The following ADD2 variants were observed in gnomAD, a reference collection of about 807,000 sequenced individuals.
ADD2 encodes the protein beta-adducin.
A neutral mutation model predicts 83.0 loss-of-function variants in ADD2; 23 were observed. That is an observed-to-expected ratio of 0.28 (90% CI 0.20 to 0.39). ADD2 has a LOEUF of 0.39. Ranked by LOEUF, ADD2 falls within the 10% of genes least tolerant of loss-of-function variation. ADD2 has a pLI of 1.00. For synonymous variants in ADD2, 375 were observed against 375.4 expected (o/e 1.00, Z 0.01); for missense variants, 758 against 944.9 (o/e 0.80, Z 2.59).
chr2:70,761,744 T>G (rs1456680325), intron 1 of ADD2, among the ~76,000 whole-genome samples: 2 of 150,508 alleles, frequency 1.3e-5, no homozygotes, highest in Admixed American at 6.6e-5. Context: ...CAATCTCGGC[T>G]CACTGCAAGC....
chr2:70,722,340 T>G (rs1206225515), intron 1 of ADD2, among the ~76,000 whole-genome samples: 1 of 152,212 alleles, frequency 6.6e-6, no homozygotes, highest in Non-Finnish European at 1.5e-5. Flanking sequence ...ACTATCATTA[T>G]AAGTCATCAT....
Position 70,678,939 on chromosome 2 carries a change from T to C in ADD2, c.1148A>G (p.Tyr383Cys). The C allele has an allele frequency of 5.0e-6, 8 of 1,613,558 alleles. No individual in the cohort carries two copies. Among genetic ancestry groups the C allele is most frequent in the Non-Finnish European group, 6.8e-6 (8 of 1,179,736 alleles). Residue 383 changes from tyrosine to cysteine, a missense_variant, in exon 11 of 16, where the codon TAT (tyrosine) becomes TGT (cysteine). By Grantham distance (194) the Tyr-to-Cys change is radical (BLOSUM62 -2). Coordinates refer to ENST00000264436, the MANE Select transcript of ADD2 (RefSeq NM_001617.4). ...TTTCTCTTGAACAAAGGGGTGGCGA[T>C]ACGTGTAACCTGTTCTGTAGCCCTA... is the stretch of plus-strand genomic sequence containing the variant. ...DNLGYRTGYT[Y>C]RHPFVQEKTK...
chr2:70,722,340 T>C (rs1206225515), intron 1 of ADD2, among the ~76,000 whole-genome samples: 1 of 152,212 alleles, frequency 6.6e-6, no homozygotes, highest in Admixed American at 6.5e-5. Context: ...ACTATCATTA[T>C]AAGTCATCAT....
chr2:70,662,660 T>C lies in ADD2; in HGVS notation c.*765A>G, dbSNP rs782804903. The C allele has an allele frequency of 2.6e-5, 4 of 152,192 alleles. No individual in the cohort carries two copies. The highest frequency in any genetic ancestry group is 4.8e-5 in the African/African-American group (2 of 41,452). The allele number at this position is 152,192 out of a possible 1,614,324, so 9.4% of individuals were successfully genotyped here. On this transcript the variant is annotated 3_prime_UTR_variant, in exon 16 of 16. Coordinates refer to ENST00000264436, the MANE Select transcript of ADD2 (RefSeq NM_001617.4). ...CTTTTTCCTATGCTAAATTTGGTTT[T>C]AGTTTTGAAGTGCCTGAGATGCACA... is the stretch of plus-strand genomic sequence containing the variant.
At chr2:70,675,006 C>T in intron 13 of ADD2, 181 bp from the exon 14 acceptor site, 1 of 1,344,904 alleles carries the variant, frequency 7.4e-7, no homozygotes. Context: ...CCATTGCTAC[C>T]TTACCCCTAG....
chr2:70,686,292 G>GA (rs3834165), intron 9 of ADD2, among the ~76,000 whole-genome samples: 2 of 152,024 alleles, frequency 1.3e-5, no homozygotes, highest in African/African-American at 4.8e-5. Context: ...CCAGCTGGGG[G>GA]AAAAAAAGGT....
intron 4 of ADD2, 23 bp downstream of exon 4, chr2:70,704,298 G>C: frequency 6.5e-7 from 1 of 1,550,326 alleles, no homozygotes; most frequent in Non-Finnish European, 8.8e-7. Flanking sequence ...TCTGCTCCTG[G>C]CAGCTCCCCA....
At chr2:70,765,569 C>T (rs562382921) in intron 1 of ADD2, among the ~76,000 whole-genome samples, 267 of 152,296 alleles carry the variant, frequency 1.8e-3, no homozygotes, top group African/African-American at 5.8e-3. Context: ...TCCCTTTGTT[C>T]CCAGTACGTC....
At chr2:70,716,914 C>G (rs113342338) in intron 1 of ADD2, among the ~76,000 whole-genome samples, 1 of 152,172 alleles carries the variant, frequency 6.6e-6, no homozygotes. Context: ...GCAACTCTTA[C>G]ATTAACAAAT....
intron 1 of ADD2, among the ~76,000 whole-genome samples, chr2:70,724,255 G>A (rs548753804): frequency 8.5e-5 from 13 of 152,282 alleles, no homozygotes; most frequent in African/African-American, 2.9e-4. Context: ...GACCCACCCC[G>A]TGCTGTGGAG....
In ADD2 at chr2:70,688,027, T is replaced by C. The variant is rs1558533213; in HGVS notation, c.945A>G (p.Ile315Met). 1 of 1,613,966 alleles carries C rather than the reference T, an allele frequency of 6.2e-7. No homozygotes were observed. Among genetic ancestry groups the C allele is most frequent in the Non-Finnish European group, 8.5e-7 (1 of 1,179,826 alleles). ...KIFHLQAACE[I>M]QVSALSSAGG... is the part of the protein sequence containing the mutation. The stretch of plus-strand genomic sequence containing the variant: ...CTTTCCAGGAGAATTTGCTCACCTG[T>C]ATCTCACATGCAGCCTGCAGGTGGA... The change falls in exon 9 of 16, where the codon ATA becomes ATG. Residue 315 changes from isoleucine to methionine, a missense_variant. Ile to Met is a conservative substitution (Grantham distance 10). This residue lies in a region of ADD2 where 394 missense variants were observed against 509.3 expected (regional missense o/e 0.77). Coordinates refer to ENST00000264436, the MANE Select transcript of ADD2 (RefSeq NM_001617.4).
chr2:70,675,245 G>T, intron 13 of ADD2: 1 of 1,004,614 alleles, frequency 1.0e-6, no homozygotes, highest in Non-Finnish European at 1.2e-6. Flanking sequence ...CCCCACCACT[G>T]CCCTCCCCGC....
chr2:70,678,447 G>C (rs1670288659), intron 11 of ADD2, among the ~76,000 whole-genome samples: 1 of 152,082 alleles, frequency 6.6e-6, no homozygotes, highest in Non-Finnish European at 1.5e-5. Flanking sequence ...ACTGGTTCTG[G>C]GTCATGTGCC....
At chr2:70,732,120 G>A (rs1313884817) in intron 1 of ADD2, among the ~76,000 whole-genome samples, 3 of 152,320 alleles carry the variant, frequency 2.0e-5, no homozygotes, top group Admixed American at 2.0e-4. Flanking sequence ...ACAGGCAGCA[G>A]GGGAGAACCC....
At chr2:70,693,767 T>C (rs55925736) in intron 6 of ADD2, among the ~76,000 whole-genome samples, 1 of 152,218 alleles carries the variant, frequency 6.6e-6, no homozygotes, top group Non-Finnish European at 1.5e-5. Context: ...TGTTTAGAAT[T>C]CCCTCTCTCA....
chr2:70,710,037 A>G (rs782181289), intron 2 of ADD2, among the ~76,000 whole-genome samples: 6 of 151,024 alleles, frequency 4.0e-5, no homozygotes, highest in Non-Finnish European at 7.4e-5. Flanking sequence ...ATCGAACCCC[A>G]CTCCTTCTCT....
At chr2:70,760,591 C>G (rs1407487905) in intron 1 of ADD2, 1 of 152,092 alleles carries the variant, frequency 6.6e-6, no homozygotes. Context: ...TAAAAGCAAG[C>G]AAGAAAATGG....
Position 70,690,914 on chromosome 2 carries a change from A to C in ADD2, c.721T>G (p.Trp241Gly). ...TTGTGGGAGACAGGCAGGAGGCCCC[A>C]CTTCATGGCCGACACCTTAGAGAGA... ...PATAAVSAMK[W>G]GLLPVSHNAL... The change falls in exon 8 of 16, where the codon TGG becomes GGG. Residue 241 changes from tryptophan to glycine, a missense_variant. Coordinates refer to ENST00000264436, the MANE Select transcript of ADD2 (RefSeq NM_001617.4). 6.2e-7 allele frequency: 1 copy of C among 1,612,660 alleles called. No homozygotes were observed.
intron 10 of ADD2, among the ~76,000 whole-genome samples, chr2:70,683,260 C>T (rs1670548907): frequency 6.6e-6 from 1 of 152,046 alleles, no homozygotes; most frequent in African/African-American, 2.4e-5. Flanking sequence ...ATCTCCTGAC[C>T]TTGTGATCTG....
Sources: allele counts gnomAD v4.1 joint callset (sites outside exome capture counted in the v4.1 genomes callset), GRCh38; gene constraint gnomAD v4.1.1; regional missense constraint gnomAD v4.1.1; transcripts MANE v1.5; gene names NCBI Gene and HGNC (gene_info 2026-07-23, HGNC 2026-07-21).